ABHD12: variants seen among roughly 807,000 people sequenced by gnomAD.
ABHD12 encodes the protein lysophosphatidylserine lipase ABHD12.
In ABHD12, 43 loss-of-function variants were observed where a neutral mutation model predicts 58.3. The observed-to-expected ratio is 0.74, with a 90% CI of 0.58 to 0.95. The LOEUF (loss-of-function observed/expected upper bound fraction) is 0.95. Among genes scored for constraint, ABHD12 ranks in the 40% least tolerant of loss-of-function variants. ABHD12 has a pLI of 0.00. For missense variants in ABHD12, 539 were observed against 537.2 expected (o/e 1.00, Z -0.03); for synonymous variants, 219 against 211.2 (o/e 1.04, Z -0.32).
intron 1 of ABHD12, among the ~76,000 whole-genome samples, chr20:25,355,743 G>C (rs2089659030): frequency 2.6e-5 from 4 of 152,128 alleles, no homozygotes; most frequent in Admixed American, 2.6e-4. Flanking sequence ...ATTTTTAGTA[G>C]AGACGGGGTT....
chr20:25,334,562 A>G (rs922006026), intron 2 of ABHD12, among the ~76,000 whole-genome samples: 8 of 152,216 alleles, frequency 5.3e-5, no homozygotes, highest in African/African-American at 1.9e-4. Flanking sequence ...CTATACTACA[A>G]GGCTACAGTA....
chr20:25,355,186 G>A (rs747349455), intron 1 of ABHD12, among the ~76,000 whole-genome samples: 1 of 152,136 alleles, frequency 6.6e-6, no homozygotes, highest in African/African-American at 2.4e-5. Flanking sequence ...CACAACTGAT[G>A]TTTTCCATCC....
intron 2 of ABHD12, among the ~76,000 whole-genome samples, chr20:25,323,704 G>C (rs940588042): frequency 6.6e-6 from 1 of 152,194 alleles, no homozygotes; most frequent in African/African-American, 2.4e-5. Flanking sequence ...CTGCAGTGAG[G>C]GCAAGGTCTG....
Position 25,366,114 on chromosome 20 carries a change from G to A in ABHD12, c.191+24399C>T, listed in dbSNP as rs547004195. Among the ~76,000 whole-genome samples, 37 of 152,082 alleles carry A rather than the reference G, an allele frequency of 2.4e-4. 1 individual carries two copies. Among genetic ancestry groups the A allele is most frequent in the Middle Eastern group, 3.4e-3 (1 of 294 alleles). ...TTTTCAATGAATTATGCTATCTTTCGCATATTTTTCATTGGGCCTTGAACT... is the reference window on the plus strand; with the variant it reads ...TTTTCAATGAATTATGCTATCTTTCACATATTTTTCATTGGGCCTTGAACT... On this transcript the variant is annotated intron_variant, in intron 1 of 12. Coordinates refer to ENST00000339157, the MANE Select transcript of ABHD12 (RefSeq NM_001042472.3).
At chr20:25,370,491 T>C (rs997197269) in intron 1 of ABHD12, among the ~76,000 whole-genome samples, 1 of 152,254 alleles carries the variant, frequency 6.6e-6, no homozygotes, top group African/African-American at 2.4e-5. Flanking sequence ...TGCTGATGAA[T>C]AAACTATTTC....
chr20:25,349,452 G>A (rs1466124191), intron 1 of ABHD12, among the ~76,000 whole-genome samples: 2 of 152,176 alleles, frequency 1.3e-5, no homozygotes, highest in African/African-American at 4.8e-5. Context: ...GTTCATAGCA[G>A]CATTATTCAT....
intron 6 of ABHD12, 138 bp from the exon 7 acceptor site, chr20:25,309,713 C>T: frequency 8.0e-7 from 1 of 1,246,824 alleles, no homozygotes. Context: ...AGTCCACAGA[C>T]CCACCCAGGC....
intron 6 of ABHD12, among the ~76,000 whole-genome samples, chr20:25,314,535 C>T (rs968514601): frequency 1.3e-5 from 2 of 151,976 alleles, no homozygotes; most frequent in African/African-American, 2.4e-5. Flanking sequence ...AACAAAACAG[C>T]GGGTGTGGTG....
At chr20:25,302,480 C>T (rs1224435413) in intron 11 of ABHD12, 134 bp from the exon 12 acceptor site, 41 of 1,225,126 alleles carry the variant, frequency 3.3e-5, no homozygotes, top group African/African-American at 1.5e-4. Context: ...TTGCCACAGC[C>T]GGTCACGACC....
intron 1 of ABHD12, among the ~76,000 whole-genome samples, chr20:25,343,514 A>T (rs934276050): frequency 1.3e-5 from 2 of 152,176 alleles, no homozygotes; most frequent in African/African-American, 4.8e-5. Context: ...TCTTCAAAAA[A>T]AAGAATGAGG....
At position 25,304,044 on chromosome 20, in the gene ABHD12, G is replaced by C. The variant is rs538217550; in HGVS notation, c.951-416C>G. ...TGGTCACTCCAACTCTAAACACTTA[G>C]AAGTGATTTAGGATTTTCAGTAGGT... On this transcript the variant is annotated intron_variant, in intron 10 of 12. Coordinates refer to ENST00000339157, the MANE Select transcript of ABHD12 (RefSeq NM_001042472.3). Among the ~76,000 whole-genome samples the C allele has an allele frequency of 5.3e-5, 8 of 152,360 alleles. 1 individual carries two copies. The South Asian group carries it at 1.7e-3, about 32-fold the overall frequency.
intron 2 of ABHD12, among the ~76,000 whole-genome samples, chr20:25,333,623 T>C (rs1197401146): frequency 6.6e-6 from 1 of 151,790 alleles, no homozygotes; most frequent in Admixed American, 6.6e-5. Flanking sequence ...TCAAGTGGGT[T>C]TCATCCCTGG....
chr20:25,368,481 T>A lies in ABHD12; in HGVS notation c.191+22032A>T, dbSNP rs565316502. 8.3e-6 allele frequency: 13 copies of A among 1,567,604 alleles called. 1 individual carries two copies. In the African/African-American group the frequency reaches 1.4e-4, roughly 16 times the overall value. Reference sequence around the variant, plus strand: ...GGTCCAGCATTTGCCATGGACAAGATGCTAGGACCTGTATGCTTTAGGATG... The same window carrying A: ...GGTCCAGCATTTGCCATGGACAAGAAGCTAGGACCTGTATGCTTTAGGATG... On this transcript the variant is annotated intron_variant, in intron 1 of 12. Coordinates refer to ENST00000339157, the MANE Select transcript of ABHD12 (RefSeq NM_001042472.3).
rs763450127 is a variant in ABHD12, at chr20:25,372,005, CTTG to C, written c.191+18505_191+18507del. 6.6e-5 allele frequency among the ~76,000 whole-genome samples: 10 copies of C among 152,162 alleles called. No individual in the cohort carries two copies. In the South Asian group the frequency reaches 8.3e-4, roughly 13 times the overall value. ...CCATGTGAGCTACTTTGTAATTTCA[CTTG>C]TTGTTTTTTTAGAGAGGGGATCTTT... On this transcript the variant is annotated intron_variant, in intron 1 of 12. Transcript: ENST00000339157.
At chr20:25,303,925 G>T (rs1568711459) in intron 10 of ABHD12, among the ~76,000 whole-genome samples, 1 of 152,212 alleles carries the variant, frequency 6.6e-6, no homozygotes, top group Non-Finnish European at 1.5e-5. Context: ...AATAATTCAG[G>T]TGGGCCAAGA....
At chr20:25,321,441 G>A (rs2089064702) in intron 3 of ABHD12, among the ~76,000 whole-genome samples, 2 of 152,248 alleles carry the variant, frequency 1.3e-5, no homozygotes, top group African/African-American at 4.8e-5. Context: ...TGAAGCGATG[G>A]TGGGGGCAGT....
chr20:25,339,501 T>G, intron 1 of ABHD12, 150 bp from the exon 2 acceptor site: 1 of 1,395,148 alleles, frequency 7.2e-7, no homozygotes, highest in Non-Finnish European at 1.0e-6. Flanking sequence ...GCCTCCCACC[T>G]GCCTTCACTC....
intron 1 of ABHD12, among the ~76,000 whole-genome samples, chr20:25,360,390 A>G (rs777831379): frequency 1.1e-4 from 16 of 150,882 alleles, no homozygotes; most frequent in Non-Finnish European, 2.2e-4. Context: ...ACAGGCATGC[A>G]CCACCACGCC....
intron 1 of ABHD12, among the ~76,000 whole-genome samples, chr20:25,360,546 G>T (rs1426768798): frequency 6.6e-6 from 1 of 151,870 alleles, no homozygotes; most frequent in Non-Finnish European, 1.5e-5. Context: ...GGCCACACAT[G>T]TTACAGTCTT....
Sources: gnomAD v4.1 joint callset for allele counts (sites outside exome capture counted in the v4.1 genomes callset) on GRCh38, gnomAD v4.1.1 for gene constraint, MANE v1.5 for transcripts, NCBI Gene and HGNC (gene_info 2026-07-23, HGNC 2026-07-21) for gene names.